The following MYO1B variants were observed in gnomAD, a reference collection of about 807,000 sequenced individuals.
The protein encoded by MYO1B is myosin IB.
A neutral mutation model predicts 159.7 loss-of-function variants in MYO1B; 72 were observed. That is an observed-to-expected ratio of 0.45 (90% CI 0.37 to 0.55). MYO1B has a LOEUF of 0.55. MYO1B is among the 20% of genes least tolerant of loss of function. The pLI is 0.00. For synonymous variants in MYO1B, 468 were observed against 473.8 expected (o/e 0.99, Z 0.16); for missense variants, 1,062 against 1,364.8 (o/e 0.78, Z 3.50).
chr2:191,377,504 A>C (rs969126337), intron 13 of MYO1B: 3 of 152,180 alleles, frequency 2.0e-5, no homozygotes, highest in African/African-American at 7.2e-5. Flanking sequence ...ATTGCTGGCT[A>C]TTCACACAGT....
intron 1 of MYO1B, among the ~76,000 whole-genome samples, chr2:191,255,804 G>T (rs1013382603): frequency 3.2e-5 from 4 of 126,124 alleles, no homozygotes; most frequent in African/African-American, 4.9e-5. Flanking sequence ...TTTGAGTATT[G>T]CCACTGCTGC....
chr2:191,327,750 G>A (rs1691196528), intron 3 of MYO1B, among the ~76,000 whole-genome samples: 1 of 152,350 alleles, frequency 6.6e-6, no homozygotes, highest in South Asian at 2.1e-4. Flanking sequence ...ACAGAGATCA[G>A]TGCACATTGT....
intron 4 of MYO1B, among the ~76,000 whole-genome samples, chr2:191,338,950 T>C (rs1353579507): frequency 6.6e-6 from 1 of 152,182 alleles, no homozygotes; most frequent in East Asian, 1.9e-4. Context: ...ATGTTTTCAG[T>C]CTCCTAGTAT....
chr2:191,349,123 C>G (rs567419077), intron 6 of MYO1B, among the ~76,000 whole-genome samples: 2 of 152,300 alleles, frequency 1.3e-5, no homozygotes, highest in South Asian at 4.1e-4. Context: ...TGTCTCAATT[C>G]CCCCGCTAGA....
intron 4 of MYO1B, among the ~76,000 whole-genome samples, chr2:191,340,031 G>A (rs1293222630): frequency 6.6e-6 from 1 of 152,150 alleles, no homozygotes; most frequent in Non-Finnish European, 1.5e-5. Context: ...CCCACTGACA[G>A]TGGCAGTAGA....
intron 3 of MYO1B, among the ~76,000 whole-genome samples, chr2:191,322,502 C>T (rs1690789051): frequency 6.6e-6 from 1 of 152,102 alleles, no homozygotes; most frequent in Non-Finnish European, 1.5e-5. Context: ...TTGAGTAACT[C>T]TTAGCAAGCT....
intron 4 of MYO1B, among the ~76,000 whole-genome samples, chr2:191,339,346 T>G (rs1692064679): frequency 6.6e-6 from 1 of 152,212 alleles, no homozygotes; most frequent in South Asian, 2.1e-4. Flanking sequence ...TATAAAGTCT[T>G]TGTCTGTAAG....
intron 3 of MYO1B, among the ~76,000 whole-genome samples, chr2:191,298,657 CAAT>C (rs925313391): frequency 2.6e-5 from 4 of 152,120 alleles, no homozygotes; most frequent in African/African-American, 7.2e-5. Context: ...TGATCTTTAA[CAAT>C]AATAATAGTA....
intron 15 of MYO1B, among the ~76,000 whole-genome samples, chr2:191,384,110 C>T (rs11686049): frequency 0.79 from 119,489 of 152,184 alleles, 52,607 homozygotes; most frequent in Non-Finnish European, 0.98. Context: ...TGGATAATTT[C>T]GAGTAAGCTT....
At chr2:191,338,798 C>A (rs1345380609) in intron 4 of MYO1B, among the ~76,000 whole-genome samples, 1 of 152,136 alleles carries the variant, frequency 6.6e-6, no homozygotes, top group African/African-American at 2.4e-5. Flanking sequence ...AAGAGCCTGA[C>A]CTAAACTTTA....
chr2:191,276,677 G>A (rs1302552262), intron 1 of MYO1B, among the ~76,000 whole-genome samples: 2 of 152,118 alleles, frequency 1.3e-5, no homozygotes, highest in Non-Finnish European at 2.9e-5. Flanking sequence ...TGGGAAGGAG[G>A]TTCATTTGTG....
chr2:191,283,357 G>T (rs888560849), intron 2 of MYO1B, among the ~76,000 whole-genome samples: 1 of 152,142 alleles, frequency 6.6e-6, no homozygotes, highest in African/African-American at 2.4e-5. Flanking sequence ...CCTGACATCA[G>T]ATCTTTTGGA....
At position 191,383,515 on chromosome 2, in the gene MYO1B, TACAC is replaced by T. The variant is rs71030338; in HGVS notation, c.1353+203_1353+206del. Among the ~76,000 whole-genome samples the T allele has an allele frequency of 8.9e-3, 1,086 of 122,640 alleles. 19 individuals are homozygous for T. The highest frequency in any genetic ancestry group is 0.033 in the African/African-American group (973 of 29,480). 80.5% of individuals were successfully genotyped at this position (122,640 alleles called of 152,430 possible). A position where few individuals can be genotyped will look rare whatever the true frequency, so the allele number is the denominator to read the frequency against. On this transcript the variant is annotated intron_variant, in intron 15 of 30. Transcript: ENST00000392318. ...ATGTGTATATATATATATATACACG[TACAC>T]ACACACACACACACACACACACACA...
intron 3 of MYO1B, among the ~76,000 whole-genome samples, chr2:191,304,197 A>G (rs549672301): frequency 2.3e-4 from 35 of 152,282 alleles, no homozygotes; most frequent in African/African-American, 7.5e-4. Flanking sequence ...GCTTCTGTAA[A>G]TGCTCCACGA....
chr2:191,331,271 G>C (rs897642265), intron 4 of MYO1B, among the ~76,000 whole-genome samples: 3 of 151,938 alleles, frequency 2.0e-5, no homozygotes, highest in Non-Finnish European at 4.4e-5. Flanking sequence ...AGAAAACATG[G>C]TGTCATATTG....
chr2:191,411,220 C>G (rs1013849438), intron 27 of MYO1B, 48 bp downstream of exon 27: 2 of 1,278,950 alleles, frequency 1.6e-6, no homozygotes, highest in Non-Finnish European at 2.2e-6. Context: ...ATAAAAGTTT[C>G]TCAAGTATAT....
rs34180466 is a variant in MYO1B at position 191,360,750 on chromosome 2, G to GTT, written c.661+21_661+22insTT. On this transcript the variant is annotated intron_variant, in intron 8 of 30. Coordinates refer to ENST00000392318, the MANE Select transcript of MYO1B (RefSeq NM_001130158.3). ...CCTCAGTAAGTCTCTGTTTCTATGTGGTGTTGTTGTTGTTGTTGTTGTTGT... is the reference window on the plus strand; with the variant it reads ...CCTCAGTAAGTCTCTGTTTCTATGTGTTGTGTTGTTGTTGTTGTTGTTGTTGT... The GTT allele has an allele frequency of 8.7e-3, 13,079 of 1,494,756 alleles. 172 individuals carry two copies. Among genetic ancestry groups the GTT allele is most frequent in the African/African-American group, 0.056 (3,234 of 57,780 alleles). 92.6% of individuals were successfully genotyped at this position (1,494,756 alleles called of 1,614,324 possible).
intron 2 of MYO1B, among the ~76,000 whole-genome samples, chr2:191,289,378 T>C (rs1688566037): frequency 6.6e-6 from 1 of 152,176 alleles, no homozygotes. Flanking sequence ...GCTAATGTGG[T>C]CGTATCACTT....
chr2:191,393,176 T>C lies in MYO1B; in HGVS notation c.2180T>C (p.Met727Thr). ...AAATGCCGCACACACTTCCTGCTAA[T>C]GAAAAAAAGCCAAATTGTGATTGCC... ...GWKCRTHFLL[M>T]KKSQIVIAAW... is the part of the protein sequence containing the mutation. The change falls in exon 20 of 31, where the codon ATG becomes ACG. Residue 727 changes from methionine to threonine, a missense_variant. Physicochemically the swap from Met to Thr is moderately conservative, Grantham distance 81. Transcript: ENST00000392318. The C allele has an allele frequency of 1.2e-6, 2 of 1,614,082 alleles. No homozygotes were observed. The highest frequency in any genetic ancestry group is 1.7e-6 in the Non-Finnish European group (2 of 1,179,956).
Sources: allele counts gnomAD v4.1 joint callset (sites outside exome capture counted in the v4.1 genomes callset), GRCh38; gene constraint gnomAD v4.1.1; transcripts MANE v1.5; gene names NCBI Gene and HGNC (gene_info 2026-07-23, HGNC 2026-07-21).